The following WDR75 variants were observed in gnomAD, a reference collection of about 807,000 sequenced individuals.
The protein encoded by WDR75 is WD repeat domain 75.
Under a neutral mutation model 106.1 loss-of-function variants are expected in WDR75, and 52 were observed. The observed-to-expected ratio is 0.49, with a 90% CI of 0.39 to 0.62. The LOEUF is 0.62. Among genes scored for constraint, WDR75 ranks in the 20% least tolerant of loss-of-function variants. WDR75 has a pLI of 0.00. For synonymous variants in WDR75, 333 were observed against 335.5 expected, an observed-to-expected ratio of 0.99 and a Z score of 0.08; for missense variants, 905 against 970.3, an observed-to-expected ratio of 0.93 and a Z score of 0.89.
At chr2:189,462,428 C>T in intron 8 of WDR75, 56 bp from the exon 9 acceptor site, 3 of 1,572,656 alleles carry the variant, frequency 1.9e-6, no homozygotes, top group African/African-American at 1.4e-5. Flanking sequence ...TTATATTTTT[C>T]TTTCTCTTTT....
At chr2:189,454,498 G>T (rs114792716) in intron 4 of WDR75, among the ~76,000 whole-genome samples, 1 of 151,614 alleles carries the variant, frequency 6.6e-6, no homozygotes, top group African/African-American at 2.4e-5. Flanking sequence ...AAATGCACCA[G>T]TAAGATACAA....
At chr2:189,442,422 T>C (rs1159984455) in intron 1 of WDR75, among the ~76,000 whole-genome samples, 1 of 150,726 alleles carries the variant, frequency 6.6e-6, no homozygotes, top group Non-Finnish European at 1.5e-5. Flanking sequence ...TTTATGAAAG[T>C]TTGTAGCCTC....
At chr2:189,460,311 C>G (rs1686850828) in intron 8 of WDR75, among the ~76,000 whole-genome samples, 1 of 152,166 alleles carries the variant, frequency 6.6e-6, no homozygotes, top group Non-Finnish European at 1.5e-5. Flanking sequence ...TAGAGTCTTA[C>G]TTGGGTGTAA....
At chr2:189,457,519 A>C (rs1050004985) in intron 6 of WDR75, 138 bp downstream of exon 6, 1 of 607,138 alleles carries the variant, frequency 1.6e-6, no homozygotes, top group African/African-American at 1.9e-5. Flanking sequence ...GTATGGAGGT[A>C]CAGTTTTTAA....
chr2:189,468,472 T>C lies in WDR75; in HGVS notation c.1629-3T>C. On this transcript the variant is annotated splice_polypyrimidine_tract_variant and splice_region_variant and intron_variant, in intron 14 of 20. Coordinates refer to ENST00000314761, the MANE Select transcript of WDR75 (RefSeq NM_032168.3). Reference sequence around the variant, plus strand: ...TGCTAACTTCCTTGTGGTTTTAATCTAGGCACCTTTGCTTTGGGAGATTGA... The same window carrying C: ...TGCTAACTTCCTTGTGGTTTTAATCCAGGCACCTTTGCTTTGGGAGATTGA... 4 of 1,613,190 alleles carry C rather than the reference T, an allele frequency of 2.5e-6. No individual in the cohort carries two copies. Among genetic ancestry groups the C allele is most frequent in the Non-Finnish European group, 3.4e-6 (4 of 1,179,312 alleles).
chr2:189,470,898 A>T lies in WDR75; in HGVS notation c.2049+20A>T, dbSNP rs1439170728. The T allele has an allele frequency of 6.3e-7, 1 of 1,579,132 alleles. No homozygotes were observed. ...AAACAGGTATGTTTTAGCCATTCAT[A>T]GCAGGATGTATTGCCTCCCTAAAAG... On this transcript the variant is annotated intron_variant, in intron 18 of 20. Coordinates refer to ENST00000314761, the MANE Select transcript of WDR75 (RefSeq NM_032168.3).
chr2:189,461,922 TATC>T (rs1186585250), intron 8 of WDR75, among the ~76,000 whole-genome samples: 1 of 152,200 alleles, frequency 6.6e-6, no homozygotes, highest in African/African-American at 2.4e-5. Flanking sequence ...TGAGAGGTAT[TATC>T]ATGAATACGT....
intron 12 of WDR75, 32 bp from the exon 13 acceptor site, chr2:189,466,393 C>G: frequency 2.5e-6 from 4 of 1,608,212 alleles, no homozygotes; most frequent in Non-Finnish European, 3.4e-6. Flanking sequence ...TGTCCTCATG[C>G]AAGAATAAAT....
intron 4 of WDR75, 161 bp downstream of exon 4, chr2:189,452,056 A>C (rs772407594): frequency 3.5e-6 from 2 of 575,684 alleles, no homozygotes; most frequent in South Asian, 2.3e-5. Context: ...GATGGTTTGT[A>C]TGAATTCTGA....
chr2:189,466,633 A>G, intron 13 of WDR75, 51 bp downstream of exon 13: 1 of 1,545,424 alleles, frequency 6.5e-7, no homozygotes, highest in Non-Finnish European at 8.7e-7. Context: ...TTAGGAATTA[A>G]TTTCTTTTTC....
At chr2:189,455,542 T>G (rs1231633321) in intron 5 of WDR75, 98 bp downstream of exon 5, 17 of 1,420,874 alleles carry the variant, frequency 1.2e-5, no homozygotes, top group Non-Finnish European at 1.6e-5. Context: ...TTATATTCCC[T>G]TGAATTACTA....
chr2:189,464,211 T>G, intron 11 of WDR75: 1 of 469,340 alleles, frequency 2.1e-6, no homozygotes, highest in South Asian at 3.1e-5. Context: ...AATGCCCTCC[T>G]ATTAGCTATC....
At chr2:189,455,641 G>A (rs889019612) in intron 5 of WDR75, 197 bp downstream of exon 5, 30 of 574,324 alleles carry the variant, frequency 5.2e-5, no homozygotes, top group Middle Eastern at 5.1e-4. Flanking sequence ...ATTTTTGTGT[G>A]TTCTGTCCTA....
intron 2 of WDR75, chr2:189,449,356 A>G (rs1268035032): frequency 2.3e-6 from 3 of 1,294,518 alleles, no homozygotes; most frequent in Admixed American, 2.4e-5. Context: ...TAAATGAGCT[A>G]CTTCTAAAAA....
Position 189,448,268 on chromosome 2 carries a change from G to C in WDR75, c.87-111G>C, listed in dbSNP as rs1281815963. ...GGAGGCCCAGGCAGGCGTATCACTT[G>C]AGGCCAGGAGTTCAAGACCACTGAA... On this transcript the variant is annotated intron_variant, in intron 1 of 20. Coordinates refer to ENST00000314761, the MANE Select transcript of WDR75 (RefSeq NM_032168.3). The C allele has an allele frequency of 7.3e-6, 9 of 1,234,612 alleles. No individual in the cohort carries two copies. In the East Asian group the frequency reaches 2.4e-4, roughly 34 times the overall value. 76.5% of individuals were successfully genotyped at this position (1,234,612 alleles called of 1,614,324 possible).
rs370059955 is a variant in WDR75 at position 189,467,480 on chromosome 2, G to C, written c.1460G>C (p.Gly487Ala). Residue 487 changes from glycine to alanine, a missense_variant, in exon 14 of 21, where the codon GGC becomes GCC. By Grantham distance (60) the Gly-to-Ala change is moderately conservative. Coordinates refer to ENST00000314761, the MANE Select transcript of WDR75 (RefSeq NM_032168.3). ...DDSDIYKKAV[G>A]WTCDFVGSYH... ...TATATTTCCACAGAAAAAGCTGTTGGCTGGACCTGTGACTTTGTTGGTAGT... is the reference window on the plus strand; with the variant it reads ...TATATTTCCACAGAAAAAGCTGTTGCCTGGACCTGTGACTTTGTTGGTAGT... 2 of 1,598,412 alleles carry C rather than the reference G, an allele frequency of 1.3e-6. No homozygotes were observed. Among genetic ancestry groups the C allele is most frequent in the Admixed American group, 1.7e-5 (1 of 57,858 alleles).
At chr2:189,451,943 AT>A (rs772596747) in intron 4 of WDR75, 48 bp downstream of exon 4, 5 of 1,439,252 alleles carry the variant, frequency 3.5e-6, no homozygotes, top group Non-Finnish European at 3.8e-6. Flanking sequence ...GGCTCTTTAC[AT>A]TTTACAGTTC....
chr2:189,462,490 G>A lies in WDR75; in HGVS notation c.785G>A (p.Ser262Asn). The change falls in exon 9 of 21, where the codon AGT (serine) becomes AAT (asparagine). Residue 262 changes from serine to asparagine, a missense_variant. Ser to Asn is a conservative substitution (Grantham distance 46). Transcript: ENST00000314761. ...MDLAFSVTGT[S>N]LLSGGRESVL... is the part of the protein sequence containing the mutation. ...TCCTTGAATGGATATGAAGGCACCA[G>A]TCTGCTGAGTGGCGGTCGTGAATCT... The A allele has an allele frequency of 6.2e-7, 1 of 1,613,722 alleles. No individual in the cohort carries two copies. The highest frequency in any genetic ancestry group is 1.7e-5 in the Admixed American group (1 of 59,986).
Position 189,463,694 on chromosome 2 carries a change from A to T in WDR75, c.938A>T (p.Lys313Met), listed in dbSNP as rs756594187. The T allele has an allele frequency of 6.2e-7, 1 of 1,613,772 alleles. No homozygotes were observed. Among genetic ancestry groups the T allele is most frequent in the South Asian group, 1.1e-5 (1 of 91,062 alleles). ...DLFCTSHSDN[K>M]IIIIHRNLEA... ...AATACCTATTTTTTTCTACCCACAG[A>T]GATAATAATTATTCACCGAAACCTT... The change falls in exon 10 of 21, where the codon AAG (lysine) becomes ATG (methionine). Residue 313 changes from lysine to methionine, a missense_variant and splice_region_variant. Coordinates refer to ENST00000314761, the MANE Select transcript of WDR75 (RefSeq NM_032168.3).
Sources: gnomAD v4.1 joint callset for allele counts (sites outside exome capture counted in the v4.1 genomes callset) on GRCh38, gnomAD v4.1.1 for gene constraint, MANE v1.5 for transcripts, NCBI Gene and HGNC (gene_info 2026-07-23, HGNC 2026-07-21) for gene names.